The following CADM1 variants were observed in gnomAD, a reference collection of about 807,000 sequenced individuals.
CADM1 encodes the protein cell adhesion molecule 1, also known as TSLC-1.
CADM1 carries 15 observed loss-of-function variants against 53.1 expected under a neutral mutation model. The observed-to-expected ratio is 0.28, with a 90% confidence interval of 0.19 to 0.44. The LOEUF (loss-of-function observed/expected upper bound fraction) is 0.44. Among genes scored for constraint, CADM1 ranks in the 20% least tolerant of loss-of-function variants. The pLI, the probability that CADM1 is intolerant of heterozygous loss-of-function variation, is 1.00. For synonymous variants in CADM1, 281 were observed against 243.0 expected (o/e 1.16, Z -1.45); for missense variants, 434 against 611.3 (o/e 0.71, Z 3.06).
At chr11:115,229,956 G>T (rs926083485) in intron 4 of CADM1, among the ~76,000 whole-genome samples, 2 of 152,198 alleles carry the variant, frequency 1.3e-5, no homozygotes, top group African/African-American at 4.8e-5. Flanking sequence ...ACCCAGAAAA[G>T]GAGGGAGGAG....
At chr11:115,297,642 TCCATTA>T (rs1340860952) in intron 1 of CADM1, among the ~76,000 whole-genome samples, 3 of 152,202 alleles carry the variant, frequency 2.0e-5, no homozygotes, top group African/African-American at 7.2e-5. Context: ...TATTTCAGCA[TCCATTA>T]CTCTACTGAG....
At chr11:115,227,390 G>T (rs1941651275) in intron 5 of CADM1, among the ~76,000 whole-genome samples, 1 of 152,164 alleles carries the variant, frequency 6.6e-6, no homozygotes. Flanking sequence ...TGGTAGGTGG[G>T]TGGGACTATA....
At chr11:115,357,996 CTTGA>C (rs1945922207) in intron 1 of CADM1, among the ~76,000 whole-genome samples, 1 of 152,076 alleles carries the variant, frequency 6.6e-6, no homozygotes, top group African/African-American at 2.4e-5. Context: ...TTCCTAATAG[CTTGA>C]TTGAGGTCTA....
chr11:115,500,479 C>T (rs560264222), intron 1 of CADM1, among the ~76,000 whole-genome samples: 1 of 152,270 alleles, frequency 6.6e-6, no homozygotes, highest in South Asian at 2.1e-4. Flanking sequence ...AATAAAAATT[C>T]ACTTATGTAT....
In CADM1 at chr11:115,171,515, TG is replaced by T. The variant is rs1171191817; in HGVS notation, c.*4958del. The T allele has an allele frequency of 6.6e-6, 1 of 152,212 alleles. No individual in the cohort carries two copies. Among genetic ancestry groups the T allele is most frequent in the Non-Finnish European group, 1.5e-5 (1 of 68,046 alleles). 9.4% of individuals were successfully genotyped at this position (152,212 alleles called of 1,614,324 possible). On this transcript the variant is annotated 3_prime_UTR_variant, in exon 12 of 12. Transcript: ENST00000331581. ...GGCCAAAACATTTGTGAAAACTCTC[TG>T]GGGGAAACGAGGGCCATTTTCACTC...
chr11:115,334,279 A>C (rs1945205946), intron 1 of CADM1, among the ~76,000 whole-genome samples: 1 of 152,114 alleles, frequency 6.6e-6, no homozygotes, highest in African/African-American at 2.4e-5. Flanking sequence ...ATCATAAAGA[A>C]TTGATCACAT....
intron 1 of CADM1, among the ~76,000 whole-genome samples, chr11:115,296,650 G>A (rs191134330): frequency 9.5e-4 from 144 of 152,252 alleles, no homozygotes; most frequent in African/African-American, 3.2e-3. Flanking sequence ...TCAGGGACAT[G>A]CCCTTAAACT....
intron 1 of CADM1, among the ~76,000 whole-genome samples, chr11:115,456,320 A>T (rs370558650): frequency 1.3e-5 from 2 of 152,132 alleles, no homozygotes; most frequent in Non-Finnish European, 2.9e-5. Flanking sequence ...CAAAAAAAAA[A>T]CTGCATATAA....
intron 1 of CADM1, among the ~76,000 whole-genome samples, chr11:115,407,977 A>T (rs1313070723): frequency 6.6e-6 from 1 of 150,512 alleles, no homozygotes; most frequent in African/African-American, 2.4e-5. Context: ...AAGCTCCTTA[A>T]TTATCAAATT....
At chr11:115,428,774 T>C (rs896387546) in intron 1 of CADM1, among the ~76,000 whole-genome samples, 3 of 31,124 alleles carry the variant, frequency 9.6e-5, no homozygotes, top group African/African-American at 1.5e-4. Context: ...TAGCAGTGTG[T>C]GTGTGCGTGT....
chr11:115,437,938 C>T (rs1417080618), intron 1 of CADM1, among the ~76,000 whole-genome samples: 1 of 152,122 alleles, frequency 6.6e-6, no homozygotes, highest in Non-Finnish European at 1.5e-5. Flanking sequence ...GGAAACTCAG[C>T]TAACAATACG....
chr11:115,424,962 G>C (rs1947854600), intron 1 of CADM1, among the ~76,000 whole-genome samples: 1 of 152,082 alleles, frequency 6.6e-6, no homozygotes, highest in Non-Finnish European at 1.5e-5. Context: ...GTTTTAATGT[G>C]ACTAGACAAA....
chr11:115,327,906 T>C (rs1945002494), intron 1 of CADM1, among the ~76,000 whole-genome samples: 1 of 152,158 alleles, frequency 6.6e-6, no homozygotes, highest in South Asian at 2.1e-4. Flanking sequence ...TTTACTACCT[T>C]CTTTGGAATG....
intron 1 of CADM1, among the ~76,000 whole-genome samples, chr11:115,490,392 ATTTTTTTTT>A (rs35633504): frequency 2.7e-5 from 3 of 109,330 alleles, no homozygotes; most frequent in South Asian, 2.9e-4. Context: ...GGAAGAACAG[ATTTTTTTTT>A]TTTTTTTTTT....
chr11:115,259,838 C>A (rs989568304), intron 1 of CADM1, among the ~76,000 whole-genome samples: 2 of 152,218 alleles, frequency 1.3e-5, no homozygotes, highest in South Asian at 4.1e-4. Flanking sequence ...GCTCCATGCC[C>A]TTCCCACCTC....
At chr11:115,234,991 AT>A (rs796620095) in intron 3 of CADM1, among the ~76,000 whole-genome samples, 1 of 148,780 alleles carries the variant, frequency 6.7e-6, no homozygotes, top group Admixed American at 6.7e-5. Flanking sequence ...TCACTGAATG[AT>A]TTTTTTTTCC....
intron 1 of CADM1, among the ~76,000 whole-genome samples, chr11:115,448,538 T>G (rs191823310): frequency 2.0e-5 from 3 of 152,224 alleles, no homozygotes; most frequent in African/African-American, 7.2e-5. Context: ...ATATAAAACA[T>G]TAAAAAATTA....
intron 1 of CADM1, among the ~76,000 whole-genome samples, chr11:115,311,188 T>G (rs1487378360): frequency 6.6e-6 from 1 of 152,122 alleles, no homozygotes; most frequent in African/African-American, 2.4e-5. Flanking sequence ...AATGAACTAT[T>G]TAACAGTAAA....
chr11:115,489,229 CA>C (rs746803816), intron 1 of CADM1, among the ~76,000 whole-genome samples: 15 of 152,270 alleles, frequency 9.9e-5, no homozygotes, highest in Non-Finnish European at 1.5e-4. Flanking sequence ...CAAGTATGAA[CA>C]AACACACTAG....
Sources: allele counts gnomAD v4.1 joint callset (sites outside exome capture counted in the v4.1 genomes callset), GRCh38; gene constraint gnomAD v4.1.1; transcripts MANE v1.5; gene names NCBI Gene and HGNC (gene_info 2026-07-23, HGNC 2026-07-21).